DISP3: variants seen among roughly 807,000 people sequenced by gnomAD.
DISP3 encodes the protein protein dispatched homolog 3.
In DISP3, 101 loss-of-function variants were observed where a neutral mutation model predicts 135.3. The ratio of observed to expected loss-of-function variants is 0.75; its 90% confidence interval spans 0.64 to 0.88. The LOEUF is 0.88. Ranked by LOEUF, DISP3 falls within the 40% of genes least tolerant of loss-of-function variation. The pLI, the probability that DISP3 is intolerant of heterozygous loss-of-function variation, is 0.00. For missense variants in DISP3, 1,713 were observed against 1,878.6 expected (o/e 0.91, Z 1.63); for synonymous variants, 856 against 817.0 (o/e 1.05, Z -0.81).
rs768195621 is a variant in DISP3 at position 11,536,488 on chromosome 1, C to T, written c.3981C>T (p.Gly1327=). The stretch of plus-strand genomic sequence containing the variant: ...GCAAGATTGTGGCACTCAACACGGG[C>T]GTGTCCATCCTCTACACGCTGACCG... ...KFGKIVALNT[G]VSILYTLTVS... is the part of the protein sequence containing the mutation. The change falls in exon 21 of 21, where the codon GGC becomes GGT. Residue 1327 remains glycine (G), a synonymous_variant. Coordinates refer to ENST00000294484, the MANE Select transcript of DISP3 (RefSeq NM_020780.2). The surrounding 1 kb of genome is among the most constrained non-coding windows in gnomAD (Gnocchi z 4.3). 23 of 1,613,354 alleles carry T rather than the reference C, an allele frequency of 1.4e-5. No individual in the cohort carries two copies. Among genetic ancestry groups the T allele is most frequent in the African/African-American group, 9.3e-5 (7 of 74,930 alleles).
At chr1:11,498,608 A>G (rs763651897) in intron 1 of DISP3, among the ~76,000 whole-genome samples, 11 of 152,160 alleles carry the variant, frequency 7.2e-5, no homozygotes, top group Non-Finnish European at 1.5e-4. Flanking sequence ...AAGTCACATC[A>G]TGAGATAAGC....
At position 11,501,791 on chromosome 1, in the gene DISP3, A is replaced by C. The variant is rs748417480; in HGVS notation, c.799A>C (p.Thr267Pro). 6.2e-7 allele frequency: 1 copy of C among 1,602,422 alleles called. No individual in the cohort carries two copies. Among genetic ancestry groups the C allele is most frequent in the Non-Finnish European group, 8.5e-7 (1 of 1,173,378 alleles). The change falls in exon 2 of 21, where the codon ACT becomes CCT. Residue 267 changes from threonine to proline, a missense_variant. Physicochemically the swap from Thr to Pro is conservative, Grantham distance 38 (BLOSUM62 -1). Coordinates refer to ENST00000294484, the MANE Select transcript of DISP3 (RefSeq NM_020780.2). This position sits in a 1 kb window ranked among gnomAD's most constrained non-coding sequence, Gnocchi z 4.9. Reference protein sequence around the residue: ...DYSRAYVSANTQTHAHWRIEL... With the variant: ...DYSRAYVSANPQTHAHWRIEL... ...CTCGCGCGCCTATGTGAGTGCCAACACTCAGACGCACGCGCACTGGCGCAT... is the reference window on the plus strand; with the variant it reads ...CTCGCGCGCCTATGTGAGTGCCAACCCTCAGACGCACGCGCACTGGCGCAT...
chr1:11,499,162 C>G lies in DISP3; in HGVS notation c.-3-1828C>G, dbSNP rs1044497719. On this transcript the variant is annotated intron_variant, in intron 1 of 20. Transcript: ENST00000294484. This position sits in a 1 kb window ranked among gnomAD's most constrained non-coding sequence, Gnocchi z 5.2. ...AATAGCAATGGGATCAAGGGGCCTT[C>G]AGATCACCCAAGGAGTGTTGCTGTG... 1.3e-5 allele frequency among the ~76,000 whole-genome samples: 2 copies of G among 152,156 alleles called. No individual in the cohort carries two copies. The highest frequency in any genetic ancestry group is 2.4e-5 in the African/African-American group (1 of 41,428).
chr1:11,530,083 A>C, intron 15 of DISP3, 124 bp downstream of exon 15: 1 of 1,338,646 alleles, frequency 7.5e-7, no homozygotes, highest in Admixed American at 2.4e-5. Flanking sequence ...TGGCTCCTCT[A>C]ACCCAGACAG....
At position 11,479,240 on chromosome 1, in the gene DISP3, G is replaced by T; in HGVS notation, c.-136G>T. On this transcript the variant is annotated 5_prime_UTR_variant, in exon 1 of 21. Transcript: ENST00000294484. Reference sequence around the variant, plus strand: ...CGGAGGGGGAGCCCCAGCCTCCTGCGGCTCCGAGAAGCTTCCCCCTGCGAC... The same window carrying T: ...CGGAGGGGGAGCCCCAGCCTCCTGCTGCTCCGAGAAGCTTCCCCCTGCGAC... The T allele has an allele frequency of 6.2e-6, 1 of 160,380 alleles. No homozygotes were observed. The allele number at this position is 160,380 out of a possible 1,614,324, so 9.9% of individuals were successfully genotyped here.
intron 1 of DISP3, among the ~76,000 whole-genome samples, chr1:11,490,255 T>TTTTTTG (rs201521456): frequency 0.015 from 2,318 of 151,866 alleles, 33 homozygotes; most frequent in African/African-American, 0.032. Context: ...GTTGCTGGGG[T>TTTTTTG]TTTTTGTTTT....
At chr1:11,517,681 T>C (rs1642053592) in intron 7 of DISP3, 79 bp downstream of exon 7, 1 of 1,532,664 alleles carries the variant, frequency 6.5e-7, no homozygotes, top group African/African-American at 1.4e-5. Flanking sequence ...GCAACCTCTC[T>C]TCCAAAAGCC....
At chr1:11,490,832 G>C (rs1356431716) in intron 1 of DISP3, among the ~76,000 whole-genome samples, 1 of 152,160 alleles carries the variant, frequency 6.6e-6, no homozygotes, top group Non-Finnish European at 1.5e-5. Context: ...GTGGGGGTTG[G>C]ATCAGACGTG....
At chr1:11,507,017 A>G (rs1180279593) in intron 3 of DISP3, among the ~76,000 whole-genome samples, 6 of 152,124 alleles carry the variant, frequency 3.9e-5, no homozygotes, top group African/African-American at 1.4e-4. Context: ...TATGTTGCCC[A>G]CACTGGTCTC....
At chr1:11,522,816 A>ACCCAGCCAGAG (rs1570131317) in intron 10 of DISP3, among the ~76,000 whole-genome samples, 1 of 34,788 alleles carries the variant, frequency 2.9e-5, no homozygotes, top group African/African-American at 7.9e-5. Flanking sequence ...CCCAGCCAGG[A>ACCCAGCCAGAG]CCCAGCCAGA....
Position 11,531,109 on chromosome 1 carries a change from G to T in DISP3, c.3229+76G>T, listed in dbSNP as rs1400096576. 1.6e-5 allele frequency: 25 copies of T among 1,589,432 alleles called. No individual in the cohort carries two copies. In the East Asian group the frequency reaches 5.6e-4, roughly 36 times the overall value. Reference sequence around the variant, plus strand: ...GGGAGGCACAGAGGCCGTGGTCCAAGGTAGACAGCCCGAAGGACAGTGTCT... The same window carrying T: ...GGGAGGCACAGAGGCCGTGGTCCAATGTAGACAGCCCGAAGGACAGTGTCT... On this transcript the variant is annotated intron_variant, in intron 16 of 20. Coordinates refer to ENST00000294484, the MANE Select transcript of DISP3 (RefSeq NM_020780.2). This position sits in a 1 kb window ranked among gnomAD's most constrained non-coding sequence, Gnocchi z 5.2.
Position 11,519,633 on chromosome 1 carries a change from C to G in DISP3, c.2039-86C>G. The stretch of plus-strand genomic sequence containing the variant: ...CAAGATGGCCTGTGGGCTTCCTCAC[C>G]AGGCATCTGGGCTTCCCTGGAAGCG... On this transcript the variant is annotated intron_variant, in intron 8 of 20. Coordinates refer to ENST00000294484, the MANE Select transcript of DISP3 (RefSeq NM_020780.2). The surrounding 1 kb of genome is among the most constrained non-coding windows in gnomAD (Gnocchi z 4.3). 1 of 1,571,694 alleles carries G rather than the reference C, an allele frequency of 6.4e-7. No individual in the cohort carries two copies. Among genetic ancestry groups the G allele is most frequent in the African/African-American group, 1.3e-5 (1 of 74,274 alleles).
In DISP3 at chr1:11,520,554, A is replaced by G. The variant is rs1642154829; in HGVS notation, c.2201-133A>G. On this transcript the variant is annotated intron_variant, in intron 9 of 20. Transcript: ENST00000294484. This position sits in a 1 kb window ranked among gnomAD's most constrained non-coding sequence, Gnocchi z 4.8. ...AAGCTTTGCCCACGGGCTGGCATGC[A>G]GGGCCTTCCCCCGCACCCTTAGGAC... 1 of 953,410 alleles carries G rather than the reference A, an allele frequency of 1.0e-6. No individual in the cohort carries two copies. Among genetic ancestry groups the G allele is most frequent in the South Asian group, 1.8e-5 (1 of 55,874 alleles). 59.1% of individuals were successfully genotyped at this position (953,410 alleles called of 1,614,324 possible).
At chr1:11,480,103 T>A (rs1179481847) in intron 1 of DISP3, among the ~76,000 whole-genome samples, 1 of 152,130 alleles carries the variant, frequency 6.6e-6, no homozygotes, top group African/African-American at 2.4e-5. Context: ...GGAGAACTTT[T>A]CCCAACTCCC....
intron 11 of DISP3, 144 bp downstream of exon 11, chr1:11,524,199 G>C (rs988052326): frequency 1.5e-6 from 1 of 645,836 alleles, no homozygotes; most frequent in East Asian, 3.0e-5. Context: ...AGCTGGGGAT[G>C]GGGGGTGAAT....
chr1:11,489,584 G>GC (rs1184278989), intron 1 of DISP3, among the ~76,000 whole-genome samples: 2 of 152,198 alleles, frequency 1.3e-5, no homozygotes, highest in South Asian at 2.1e-4. Context: ...CCAGCATCCA[G>GC]CCCCCCTTGC....
chr1:11,484,596 C>T (rs930321371), intron 1 of DISP3, among the ~76,000 whole-genome samples: 5 of 152,198 alleles, frequency 3.3e-5, no homozygotes, highest in African/African-American at 4.8e-5. Context: ...GAGAGGGTCT[C>T]GTCTGCAGAA....
intron 1 of DISP3, among the ~76,000 whole-genome samples, chr1:11,482,447 A>T (rs1056678374): frequency 2.0e-5 from 3 of 152,104 alleles, no homozygotes; most frequent in African/African-American, 4.8e-5. Context: ...TGAGCTGGGG[A>T]TGGCAAAAAT....
chr1:11,523,683 G>A (rs1373705486), intron 10 of DISP3, among the ~76,000 whole-genome samples: 1 of 151,998 alleles, frequency 6.6e-6, no homozygotes, highest in Admixed American at 6.5e-5. Context: ...CACAGAGAGG[G>A]CGAGCAGGGA....
Sources: allele counts gnomAD v4.1 joint callset (sites outside exome capture counted in the v4.1 genomes callset), GRCh38; gene constraint gnomAD v4.1.1; non-coding constraint Gnocchi (gnomAD v3.1); transcripts MANE v1.5; gene names NCBI Gene and HGNC (gene_info 2026-07-23, HGNC 2026-07-21).